TRAF3: variants seen among roughly 807,000 people sequenced by gnomAD.
TRAF3 encodes TNF receptor-associated factor 3.
A neutral mutation model predicts 62.3 loss-of-function variants in TRAF3; 13 were observed. That is an observed-to-expected ratio of 0.21 (90% CI 0.14 to 0.33). TRAF3 has a LOEUF of 0.33. Ranked by LOEUF, TRAF3 falls within the 10% of genes least tolerant of loss-of-function variation. The probability of loss-of-function intolerance (pLI) is 1.00; values close to 1 mark genes in which losing one functional copy is unlikely to be tolerated. For synonymous variants in TRAF3, 269 were observed against 283.4 expected, an observed-to-expected ratio of 0.95 and a Z score of 0.51; for missense variants, 440 against 741.8, an observed-to-expected ratio of 0.59 and a Z score of 4.73.
At chr14:102,781,100 TC>T (rs1897257668) in intron 1 of TRAF3, among the ~76,000 whole-genome samples, 1 of 152,182 alleles carries the variant, frequency 6.6e-6, no homozygotes, top group Admixed American at 6.5e-5. Flanking sequence ...GAGAAAGTCT[TC>T]TGGGAAGCGG....
chr14:102,853,151 C>T (rs1383351623), intron 2 of TRAF3, among the ~76,000 whole-genome samples: 1 of 152,154 alleles, frequency 6.6e-6, no homozygotes, highest in Non-Finnish European at 1.5e-5. Flanking sequence ...ATCCTCCTGC[C>T]TTGCCTCCTA....
intron 6 of TRAF3, among the ~76,000 whole-genome samples, chr14:102,879,984 A>G (rs1595389718): frequency 6.6e-6 from 1 of 152,188 alleles, no homozygotes; most frequent in Middle Eastern, 3.4e-3. Context: ...GGTGTGCTGA[A>G]GCATACCTGT....
intron 1 of TRAF3, among the ~76,000 whole-genome samples, chr14:102,792,572 A>G (rs553736545): frequency 1.1e-4 from 17 of 149,314 alleles, no homozygotes; most frequent in Admixed American, 1.1e-3. Flanking sequence ...GTGCCTGGCC[A>G]CTGACTTTTT....
chr14:102,807,760 C>G (rs533734218), intron 1 of TRAF3, among the ~76,000 whole-genome samples: 87 of 152,296 alleles, frequency 5.7e-4, no homozygotes, highest in African/African-American at 1.9e-3. Context: ...CAGGGGAGCT[C>G]TCTTATCCCT....
At chr14:102,863,860 C>T (rs567761773) in intron 2 of TRAF3, among the ~76,000 whole-genome samples, 73 of 152,320 alleles carry the variant, frequency 4.8e-4, no homozygotes, top group African/African-American at 1.5e-3. Flanking sequence ...AGCCAGTCTT[C>T]CAGGGACTCA....
intron 1 of TRAF3, chr14:102,809,262 A>C (rs1385795254): frequency 6.6e-6 from 1 of 152,314 alleles, no homozygotes; most frequent in Non-Finnish European, 1.5e-5. Context: ...CTGGGATTAC[A>C]GGCATGAGCC....
intron 11 of TRAF3, among the ~76,000 whole-genome samples, chr14:102,904,563 C>T (rs1210534650): frequency 1.3e-5 from 2 of 152,086 alleles, no homozygotes; most frequent in African/African-American, 4.8e-5. Flanking sequence ...GTAATCCCAG[C>T]ACTTTGGGAG....
intron 2 of TRAF3, among the ~76,000 whole-genome samples, chr14:102,869,025 T>C (rs1410799015): frequency 6.6e-6 from 1 of 152,214 alleles, no homozygotes; most frequent in African/African-American, 2.4e-5. Context: ...ACTTGCCCTA[T>C]GTGGTGTCCC....
chr14:102,797,137 C>T (rs1392891631), intron 1 of TRAF3, among the ~76,000 whole-genome samples: 1 of 152,194 alleles, frequency 6.6e-6, no homozygotes, highest in Admixed American at 6.5e-5. Context: ...CCTGTCTCCT[C>T]TCTGTGTTCT....
At chr14:102,891,807 A>G (rs1889733137) in intron 9 of TRAF3, among the ~76,000 whole-genome samples, 1 of 152,024 alleles carries the variant, frequency 6.6e-6, no homozygotes, top group Non-Finnish European at 1.5e-5. Context: ...GAGTTAAGAG[A>G]CATGTGGACT....
intron 1 of TRAF3, among the ~76,000 whole-genome samples, chr14:102,791,171 C>A (rs1275823743): frequency 6.6e-6 from 1 of 151,974 alleles, no homozygotes; most frequent in Non-Finnish European, 1.5e-5. Context: ...AGGCACCTGC[C>A]ACCATGCCTG....
chr14:102,884,537 C>T (rs1310283207), intron 6 of TRAF3, among the ~76,000 whole-genome samples: 1 of 152,080 alleles, frequency 6.6e-6, no homozygotes, highest in African/African-American at 2.4e-5. Context: ...AGACTGGGTG[C>T]AGTGGCTCAC....
At chr14:102,809,541 T>G (rs888223488) in intron 1 of TRAF3, among the ~76,000 whole-genome samples, 3 of 150,002 alleles carry the variant, frequency 2.0e-5, no homozygotes, top group East Asian at 1.9e-4. Flanking sequence ...TTTTTTTTTT[T>G]TTTTTTTTTG....
At chr14:102,902,630 A>G (rs1890360970) in intron 10 of TRAF3, among the ~76,000 whole-genome samples, 2 of 152,164 alleles carry the variant, frequency 1.3e-5, no homozygotes, top group East Asian at 1.9e-4. Flanking sequence ...CCTCTGTATT[A>G]TGGCCCCCGA....
chr14:102,820,380 C>A (rs564938772), intron 1 of TRAF3, among the ~76,000 whole-genome samples: 1 of 151,796 alleles, frequency 6.6e-6, no homozygotes, highest in African/African-American at 2.4e-5. Flanking sequence ...GCCGGGGCCC[C>A]CTCTCTGCAG....
intron 2 of TRAF3, 138 bp from the exon 3 acceptor site, chr14:102,870,047 C>G (rs1350999425): frequency 4.1e-6 from 4 of 970,156 alleles, no homozygotes; most frequent in Non-Finnish European, 6.5e-6. Flanking sequence ...GTTCCCAACA[C>G]ATATTAAAGT....
intron 10 of TRAF3, among the ~76,000 whole-genome samples, chr14:102,897,734 G>T (rs553137731): frequency 6.6e-6 from 1 of 152,198 alleles, no homozygotes; most frequent in East Asian, 1.9e-4. Context: ...ATTTCATATT[G>T]TTCATGAGTA....
intron 2 of TRAF3, among the ~76,000 whole-genome samples, chr14:102,857,879 A>G (rs936496329): frequency 4.6e-5 from 7 of 152,246 alleles, no homozygotes; most frequent in Non-Finnish European, 1.0e-4. Flanking sequence ...AATACTCACA[A>G]ATAGTTTCCA....
chr14:102,786,867 G>T (rs1258504150), intron 1 of TRAF3, among the ~76,000 whole-genome samples: 1 of 152,156 alleles, frequency 6.6e-6, no homozygotes, highest in African/African-American at 2.4e-5. Flanking sequence ...GCGTGCTCCT[G>T]TAGTCCCATC....
Sources: allele counts gnomAD v4.1 joint callset (sites outside exome capture counted in the v4.1 genomes callset), GRCh38; gene constraint gnomAD v4.1.1; transcripts MANE v1.5; gene names NCBI Gene and HGNC (gene_info 2026-07-23, HGNC 2026-07-21).